Variants in SYNE1 observed in about 807,000 individuals in gnomAD.
SYNE1 encodes the protein nesprin-1.
A neutral mutation model predicts 1,111.0 loss-of-function variants in SYNE1; 616 were observed. The observed-to-expected ratio is 0.55, with a 90% CI of 0.52 to 0.59. The LOEUF is 0.59. SYNE1 is among the 20% of genes least tolerant of loss of function. SYNE1 has a pLI of 0.00. For missense variants in SYNE1, 10,006 were observed against 10,417.0 expected (o/e 0.96, Z 1.72); for synonymous variants, 3,855 against 3,825.8 (o/e 1.01, Z -0.28).
At chr6:152,413,608 T>C (rs956333383) in intron 41 of SYNE1, 77 bp from the exon 42 acceptor site, 1 of 1,447,722 alleles carries the variant, frequency 6.9e-7, no homozygotes, top group Non-Finnish European at 9.6e-7. Context: ...AAGTATATGA[T>C]GAGTCCATAA....
Position 152,345,136 on chromosome 6 carries a change from C to T in SYNE1, c.12079-909G>A, listed in dbSNP as rs192682215. 3.4e-4 allele frequency among the ~76,000 whole-genome samples: 52 copies of T among 152,256 alleles called. 1 individual carries two copies. The East Asian group carries it at 8.3e-3, about 24-fold the overall frequency. Reference sequence around the variant, plus strand: ...TGTTTTGTTCTCTTTATCACTTTTGCAAACTTTAATTATGAAGTTCTGATT... The same window carrying T: ...TGTTTTGTTCTCTTTATCACTTTTGTAAACTTTAATTATGAAGTTCTGATT... On this transcript the variant is annotated intron_variant, in intron 73 of 145. Transcript: ENST00000367255.
intron 76 of SYNE1, chr6:152,336,042 C>T (rs2096380974): frequency 6.6e-6 from 1 of 151,498 alleles, no homozygotes; most frequent in African/African-American, 2.4e-5. Context: ...GTAATACAAA[C>T]TGCATTTATA....
chr6:152,443,863 T>C (rs1449799418), intron 30 of SYNE1, among the ~76,000 whole-genome samples: 1 of 152,190 alleles, frequency 6.6e-6, no homozygotes, highest in Non-Finnish European at 1.5e-5. Flanking sequence ...AGAAATTAAG[T>C]TGATTAAAAT....
intron 116 of SYNE1, among the ~76,000 whole-genome samples, chr6:152,225,369 ATTAT>A (rs2081341595): frequency 6.6e-6 from 1 of 151,928 alleles, no homozygotes; most frequent in African/African-American, 2.4e-5. Context: ...CTTCCTCATA[ATTAT>A]TTATCTCTGT....
intron 134 of SYNE1, 50 bp from the exon 135 acceptor site, chr6:152,151,740 C>A: frequency 6.3e-7 from 1 of 1,590,374 alleles, no homozygotes; most frequent in Non-Finnish European, 8.6e-7. Flanking sequence ...AAAAGTCCTT[C>A]TAAACATATG....
chr6:152,387,089 T>A lies in SYNE1; in HGVS notation c.8470A>T (p.Ile2824Leu), dbSNP rs1182380514. The A allele has an allele frequency of 3.1e-6, 5 of 1,613,498 alleles. No individual in the cohort carries two copies. The South Asian group carries it at 4.4e-5, about 14-fold the overall frequency. The change falls in exon 54 of 146, where the codon ATA becomes TTA. Residue 2824 changes from isoleucine (I) to leucine (L), a missense_variant. Transcript: ENST00000367255. ...GCACTAACCTTGGCAACAGTCATTA[T>A]ATCATTAAACTGTGTTTTCAGCTCC... ...QEELKTQFND[I>L]MTVAKEKMRK...
intron 131 of SYNE1, among the ~76,000 whole-genome samples, chr6:152,162,316 T>C (rs1334703496): frequency 1.3e-5 from 2 of 152,226 alleles, no homozygotes; most frequent in Admixed American, 6.5e-5. Context: ...TGCAAAATTA[T>C]GTTGGATGTC....
At position 152,558,497 on chromosome 6, in the gene SYNE1, A is replaced by G. The variant is rs75980780; in HGVS notation, c.68-18476T>C. Among the ~76,000 whole-genome samples the G allele has an allele frequency of 4.3e-3, 650 of 152,326 alleles. 5 individuals carry two copies. The highest frequency in any genetic ancestry group is 0.015 in the African/African-American group (606 of 41,572). ...TAGTCTGAAAGTAAAGTTATGGATT[A>G]AGAAATTCCATGTAAATGGTAACCA... On this transcript the variant is annotated intron_variant, in intron 3 of 145. Transcript: ENST00000367255.
At chr6:152,180,953 G>A (rs1049163336) in intron 128 of SYNE1, among the ~76,000 whole-genome samples, 4 of 151,362 alleles carry the variant, frequency 2.6e-5, no homozygotes, top group East Asian at 1.9e-4. Context: ...TCGCATGACA[G>A]ATTTATTAAG....
At chr6:152,537,717 CA>C (rs574872538) in intron 4 of SYNE1, among the ~76,000 whole-genome samples, 59 of 152,240 alleles carry the variant, frequency 3.9e-4, no homozygotes, top group African/African-American at 1.3e-3. Flanking sequence ...CATCTGCAAA[CA>C]GGAACAATTT....
intron 143 of SYNE1, 81 bp from the exon 144 acceptor site, chr6:152,132,295 T>A: frequency 9.2e-7 from 1 of 1,090,710 alleles, no homozygotes. Flanking sequence ...TATCTCCCAC[T>A]CCATCTCCAT....
chr6:152,273,509 A>C (rs996504190), intron 98 of SYNE1, among the ~76,000 whole-genome samples: 4 of 152,214 alleles, frequency 2.6e-5, no homozygotes, highest in African/African-American at 9.7e-5. Context: ...TCCGTAAGAA[A>C]GTTGTGGAAA....
chr6:152,600,426 A>T (rs983915582), intron 3 of SYNE1, among the ~76,000 whole-genome samples: 1 of 152,168 alleles, frequency 6.6e-6, no homozygotes, highest in Non-Finnish European at 1.5e-5. Context: ...CTATTTTTTT[A>T]AAAAGCAAAC....
intron 137 of SYNE1, chr6:152,145,499 T>A: frequency 6.2e-7 from 1 of 1,614,088 alleles, no homozygotes; most frequent in South Asian, 1.1e-5. Context: ...GAGGTATTTT[T>A]GATTGCATTT....
intron 29 of SYNE1, among the ~76,000 whole-genome samples, chr6:152,445,924 T>C (rs2098583286): frequency 2.0e-5 from 3 of 152,116 alleles, no homozygotes; most frequent in Non-Finnish European, 4.4e-5. Context: ...AGGGTATTAA[T>C]ATAAATTATG....
intron 38 of SYNE1, among the ~76,000 whole-genome samples, chr6:152,426,906 C>G (rs535775708): frequency 7.2e-5 from 11 of 152,274 alleles, no homozygotes; most frequent in African/African-American, 2.6e-4. Flanking sequence ...TTCAGAGAAG[C>G]GATTACAAAA....
In SYNE1 at chr6:152,268,055, C is replaced by T. The variant is rs2153672949; in HGVS notation, c.18815+1G>A. ...GAAAATGGAAGCATTTTGAAACATA[C>T]CCAGCATCACCAGAGGTCTCTGCCG... is the stretch of plus-strand genomic sequence containing the variant. On this transcript the variant is annotated splice_donor_variant, in intron 100 of 145. Coordinates refer to ENST00000367255, the MANE Select transcript of SYNE1 (RefSeq NM_182961.4). LOFTEE classifies it high-confidence loss of function. 2.5e-6 allele frequency: 4 copies of T among 1,611,600 alleles called. No homozygotes were observed. Among genetic ancestry groups the T allele is most frequent in the Non-Finnish European group, 3.4e-6 (4 of 1,177,762 alleles).
intron 4 of SYNE1, among the ~76,000 whole-genome samples, chr6:152,539,454 A>C (rs1353772305): frequency 2.0e-5 from 3 of 152,214 alleles, no homozygotes; most frequent in Non-Finnish European, 4.4e-5. Context: ...ATATCAGTGA[A>C]TGACAGAGTG....
chr6:152,282,395 G>T (rs1200371095), intron 96 of SYNE1, among the ~76,000 whole-genome samples: 3 of 152,136 alleles, frequency 2.0e-5, no homozygotes, highest in Non-Finnish European at 2.9e-5. Context: ...TGAAAAACAT[G>T]CGGCCTGTCT....
Sources: gnomAD v4.1 joint callset for allele counts (sites outside exome capture counted in the v4.1 genomes callset) on GRCh38, gnomAD v4.1.1 for gene constraint, MANE v1.5 for transcripts, NCBI Gene and HGNC (gene_info 2026-07-23, HGNC 2026-07-21) for gene names.